PDE10A: variants seen among roughly 807,000 people sequenced by gnomAD.
PDE10A encodes the protein phosphodiesterase 10A, also known as cAMP and cAMP-inhibited cGMP 3',5'-cyclic phosphodiesterase 10A.
PDE10A carries 39 observed loss-of-function variants against 97.7 expected under a neutral mutation model. That is an observed-to-expected ratio of 0.40 (90% CI 0.31 to 0.52). The LOEUF is 0.52. Ranked by LOEUF, PDE10A falls within the 20% of genes least tolerant of loss-of-function variation. The pLI, the probability that PDE10A is intolerant of heterozygous loss-of-function variation, is 0.56. For missense variants in PDE10A, 731 were observed against 1,047.8 expected (o/e 0.70, Z 4.17); for synonymous variants, 371 against 376.8 (o/e 0.98, Z 0.18).
chr6:165,675,970 G>C (rs1323150065), intron 1 of PDE10A, among the ~76,000 whole-genome samples: 1 of 152,154 alleles, frequency 6.6e-6, no homozygotes, highest in Non-Finnish European at 1.5e-5. Context: ...CAATAGCAAA[G>C]ATATGGAATC....
chr6:165,868,580 T>C (rs1583212106), intron 1 of PDE10A, among the ~76,000 whole-genome samples: 1 of 151,860 alleles, frequency 6.6e-6, no homozygotes, highest in East Asian at 1.9e-4. Flanking sequence ...TCTATGAAAC[T>C]TCTAAAGAAC....
intron 1 of PDE10A, among the ~76,000 whole-genome samples, chr6:165,618,486 A>G (rs1787827654): frequency 6.6e-6 from 1 of 152,174 alleles, no homozygotes; most frequent in Non-Finnish European, 1.5e-5. Context: ...GCTGCAGTTC[A>G]CACAGACATG....
At chr6:165,514,797 T>C (rs1781699527) in intron 2 of PDE10A, among the ~76,000 whole-genome samples, 2 of 152,214 alleles carry the variant, frequency 1.3e-5, no homozygotes, top group South Asian at 2.1e-4. Context: ...CATAACACCA[T>C]GATGCCCACA....
At chr6:165,605,803 C>G (rs1223933311) in intron 1 of PDE10A, among the ~76,000 whole-genome samples, 1 of 152,108 alleles carries the variant, frequency 6.6e-6, no homozygotes, top group Non-Finnish European at 1.5e-5. Context: ...GAATAGAAGT[C>G]AGAAAGGTTG....
intron 1 of PDE10A, among the ~76,000 whole-genome samples, chr6:165,846,679 G>A (rs944724789): frequency 2.6e-5 from 4 of 152,204 alleles, no homozygotes; most frequent in Non-Finnish European, 5.9e-5. Flanking sequence ...TCCTTTAAGC[G>A]GTTTGTGGAA....
chr6:165,987,972 C>CGTGCGTGTGTGTGTGTGT, upstream of PDE10A: 1 of 384,970 alleles, frequency 2.6e-6, no homozygotes, highest in South Asian at 1.9e-5. Context: ...CTTGTGTGTG[C>CGTGCGTGTGTGTGTGTGT]GTGCGTGTGT....
intron 1 of PDE10A, among the ~76,000 whole-genome samples, chr6:165,834,079 C>A (rs773246312): frequency 5.9e-5 from 9 of 152,198 alleles, no homozygotes; most frequent in African/African-American, 2.2e-4. Context: ...GAGGGGCTCA[C>A]GGAGGGTGAG....
rs560371384 is a variant in PDE10A, at chr6:165,400,069, A to G, written c.2077-3610T>C. On this transcript the variant is annotated intron_variant, in intron 13 of 21. Transcript: ENST00000539869. ...TCAGCAAGGCTGCAAAGGCGAGGCC[A>G]TAAGGAAAGGATAGTCGATTCAGCA... Among the ~76,000 whole-genome samples the G allele has an allele frequency of 1.8e-4, 27 of 152,340 alleles. No homozygotes were observed. In the South Asian group the frequency reaches 5.4e-3, roughly 30 times the overall value.
chr6:165,506,234 T>A (rs937154959), intron 2 of PDE10A, among the ~76,000 whole-genome samples: 1 of 152,164 alleles, frequency 6.6e-6, no homozygotes, highest in African/African-American at 2.4e-5. Flanking sequence ...GAGTTCCAAA[T>A]CAATTTTTTG....
intron 1 of PDE10A, among the ~76,000 whole-genome samples, chr6:165,987,007 G>C (rs1376717804): frequency 6.6e-6 from 1 of 152,056 alleles, no homozygotes; most frequent in Admixed American, 6.5e-5. Context: ...CGGCAGAGGC[G>C]AGGATCAAAA....
intron 1 of PDE10A, among the ~76,000 whole-genome samples, chr6:165,960,449 G>A (rs1297618529): frequency 2.0e-5 from 3 of 152,134 alleles, no homozygotes; most frequent in Admixed American, 6.5e-5. Flanking sequence ...ATTCACAGAT[G>A]GCATCACATC....
chr6:165,348,918 G>A (rs1782499098), intron 18 of PDE10A, among the ~76,000 whole-genome samples: 1 of 152,136 alleles, frequency 6.6e-6, no homozygotes, highest in Non-Finnish European at 1.5e-5. Context: ...TTCCCCGTCT[G>A]TCATAACTGT....
intron 1 of PDE10A, among the ~76,000 whole-genome samples, chr6:165,736,081 G>T (rs1207300692): frequency 2.0e-5 from 3 of 152,144 alleles, no homozygotes. Flanking sequence ...AAGGACAAGG[G>T]CTAAGAGAGT....
intron 2 of PDE10A, among the ~76,000 whole-genome samples, chr6:165,526,673 C>T (rs1782466520): frequency 6.6e-6 from 1 of 152,144 alleles, no homozygotes; most frequent in Non-Finnish European, 1.5e-5. Context: ...TAAGCTTAAC[C>T]AAGTGGTGAG....
chr6:165,543,612 C>A, intron 1 of PDE10A, 44 bp from the exon 2 acceptor site: 1 of 1,492,678 alleles, frequency 6.7e-7, no homozygotes, highest in East Asian at 2.3e-5. Context: ...ATACAACATC[C>A]TCATATCAAT....
intron 1 of PDE10A, among the ~76,000 whole-genome samples, chr6:165,719,123 G>GA: frequency 6.6e-6 from 1 of 151,960 alleles, no homozygotes; most frequent in East Asian, 1.9e-4. Flanking sequence ...CAAAAGGACA[G>GA]AAAAAATAAG....
intron 2 of PDE10A, among the ~76,000 whole-genome samples, chr6:165,500,570 G>GGCGGCA (rs1780810880): frequency 6.6e-6 from 1 of 152,184 alleles, no homozygotes; most frequent in Admixed American, 6.5e-5. Context: ...ACAATACACA[G>GGCGGCA]GGACCTCTGC....
rs532882574 is a variant in PDE10A, at chr6:165,968,496, T to A, written c.-615+19033A>T. Among the ~76,000 whole-genome samples the A allele has an allele frequency of 2.0e-5, 3 of 152,338 alleles. No individual in the cohort carries two copies. The South Asian group carries it at 6.2e-4, about 32-fold the overall frequency. Reference sequence around the variant, plus strand: ...AATGGGCCAAACATTTTCAACACGCTAATTTTCTTTTGACCAAGGAGGAAC... The same window carrying A: ...AATGGGCCAAACATTTTCAACACGCAAATTTTCTTTTGACCAAGGAGGAAC... On this transcript the variant is annotated intron_variant, in intron 1 of 19. Transcript: ENST00000366882.
intron 18 of PDE10A, among the ~76,000 whole-genome samples, chr6:165,372,379 G>T (rs1476633975): frequency 1.3e-5 from 2 of 148,564 alleles, no homozygotes; most frequent in Non-Finnish European, 3.0e-5. Flanking sequence ...CTTCAGCAAA[G>T]TCTCAGGATA....
Sources: gnomAD v4.1 joint callset for allele counts (sites outside exome capture counted in the v4.1 genomes callset) on GRCh38, gnomAD v4.1.1 for gene constraint, MANE v1.5 for transcripts, NCBI Gene and HGNC (gene_info 2026-07-23, HGNC 2026-07-21) for gene names.